Variants in EPHX4 observed in about 807,000 individuals in gnomAD.
EPHX4 encodes the protein epoxide hydrolase 4, also known as abhydrolase domain containing 7.
EPHX4 carries 31 observed loss-of-function variants against 44.9 expected under a neutral mutation model. That is an observed-to-expected ratio of 0.69 (90% CI 0.52 to 0.93). The LOEUF (loss-of-function observed/expected upper bound fraction) is 0.93, where lower values mean the gene tolerates loss of function less well. Among genes scored for constraint, EPHX4 ranks in the 40% least tolerant of loss-of-function variants. EPHX4 has a pLI of 0.00. For synonymous variants in EPHX4, 151 were observed against 159.7 expected (o/e 0.95, Z 0.41); for missense variants, 373 against 438.1 (o/e 0.85, Z 1.33).
chr1:92,037,030 T>C (rs1274652528), intron 2 of EPHX4, among the ~76,000 whole-genome samples: 1 of 152,194 alleles, frequency 6.6e-6, no homozygotes, highest in Non-Finnish European at 1.5e-5. Flanking sequence ...ACAAAACTCT[T>C]TTTTATTTTT....
At chr1:92,040,585 A>G (rs2101868471) in intron 2 of EPHX4, among the ~76,000 whole-genome samples, 1 of 152,242 alleles carries the variant, frequency 6.6e-6, no homozygotes, top group South Asian at 2.1e-4. Flanking sequence ...TCGGCCTCCC[A>G]AAGTGCTGGC....
intron 2 of EPHX4, among the ~76,000 whole-genome samples, chr1:92,037,585 A>G (rs1362077492): frequency 2.0e-5 from 3 of 152,174 alleles, no homozygotes; most frequent in East Asian, 3.9e-4. Flanking sequence ...TATGGAATGC[A>G]TGCGTCATCA....
chr1:92,049,953 G>A (rs780972505), intron 4 of EPHX4, among the ~76,000 whole-genome samples: 17 of 151,978 alleles, frequency 1.1e-4, no homozygotes, highest in Non-Finnish European at 2.2e-4. Flanking sequence ...CAAAAAATTA[G>A]CCGGGCTCGG....
At chr1:92,060,687 AGTGG>A (rs907852593) in intron 6 of EPHX4, among the ~76,000 whole-genome samples, 1 of 151,926 alleles carries the variant, frequency 6.6e-6, no homozygotes, top group Non-Finnish European at 1.5e-5. Context: ...GGGAGGCCAA[AGTGG>A]GTGGATCACA....
At chr1:92,042,389 G>T (rs1397697480) in intron 2 of EPHX4, among the ~76,000 whole-genome samples, 2 of 151,704 alleles carry the variant, frequency 1.3e-5, no homozygotes, top group African/African-American at 4.8e-5. Flanking sequence ...CTATATATCT[G>T]TTCTAAAAAT....
intron 3 of EPHX4, chr1:92,043,382 G>A (rs1688537703): frequency 6.6e-6 from 1 of 151,252 alleles, no homozygotes; most frequent in African/African-American, 2.5e-5. Context: ...GTGAACCCAG[G>A]AGATGGAGGT....
chr1:92,035,901 T>A (rs750058385), intron 2 of EPHX4, among the ~76,000 whole-genome samples: 2 of 152,194 alleles, frequency 1.3e-5, no homozygotes, highest in Non-Finnish European at 2.9e-5. Flanking sequence ...AAGTCAGGTG[T>A]CCCTTGTTTT....
chr1:92,035,763 C>T (rs1688429025), intron 2 of EPHX4, among the ~76,000 whole-genome samples: 1 of 152,136 alleles, frequency 6.6e-6, no homozygotes, highest in African/African-American at 2.4e-5. Context: ...GATGCTCTCC[C>T]TCTCCCCACC....
chr1:92,034,355 G>C (rs12137751), intron 2 of EPHX4, among the ~76,000 whole-genome samples: 2 of 148,098 alleles, frequency 1.4e-5, no homozygotes, highest in Non-Finnish European at 3.0e-5. Flanking sequence ...AAGAAAACCA[G>C]TTTTTATAGC....
intron 5 of EPHX4, among the ~76,000 whole-genome samples, chr1:92,051,347 C>T (rs1647249363): frequency 6.6e-6 from 1 of 151,806 alleles, no homozygotes; most frequent in Non-Finnish European, 1.5e-5. Flanking sequence ...ACTGTCATAA[C>T]TGTCTTGATA....
chr1:92,032,750 G>T (rs1688380237), intron 2 of EPHX4, among the ~76,000 whole-genome samples, 160 bp downstream of exon 2: 2 of 152,172 alleles, frequency 1.3e-5, no homozygotes, highest in Non-Finnish European at 2.9e-5. Context: ...GGATCAAGGT[G>T]CCAACATCTG....
chr1:92,043,024 A>G, intron 3 of EPHX4, 44 bp downstream of exon 3: 1 of 1,443,134 alleles, frequency 6.9e-7, no homozygotes, highest in South Asian at 1.3e-5. Context: ...AGGGACAAAC[A>G]TTCAACAAAT....
chr1:92,030,456 T>TGGTGTGTG, intron 1 of EPHX4, 146 bp downstream of exon 1: 1 of 270,758 alleles, frequency 3.7e-6, no homozygotes, highest in East Asian at 4.7e-5. Flanking sequence ...TCCCTGTGTG[T>TGGTGTGTG]CGTGTGTGTG....
intron 1 of EPHX4, among the ~76,000 whole-genome samples, chr1:92,030,638 T>C (rs894684503): frequency 4.5e-4 from 68 of 152,128 alleles, no homozygotes; most frequent in African/African-American, 1.5e-3. Flanking sequence ...CCTGCTCTTT[T>C]TCCTACTGCA....
chr1:92,035,046 A>T (rs1287293029), intron 2 of EPHX4, among the ~76,000 whole-genome samples: 2 of 152,212 alleles, frequency 1.3e-5, no homozygotes, highest in African/African-American at 4.8e-5. Context: ...AGAGTGGAGG[A>T]TGGCAAAGAC....
chr1:92,033,663 T>C (rs1420417348), intron 2 of EPHX4, among the ~76,000 whole-genome samples: 3 of 152,186 alleles, frequency 2.0e-5, no homozygotes, highest in Admixed American at 1.3e-4. Context: ...GCCCCAAATA[T>C]GTAATTATTA....
chr1:92,035,585 C>A (rs1688425965), intron 2 of EPHX4, among the ~76,000 whole-genome samples: 1 of 152,154 alleles, frequency 6.6e-6, no homozygotes. Context: ...ATTTTCTAAG[C>A]ATTTACTATG....
chr1:92,037,394 A>G (rs1688454830), intron 2 of EPHX4, among the ~76,000 whole-genome samples: 1 of 152,196 alleles, frequency 6.6e-6, no homozygotes, highest in African/African-American at 2.4e-5. Context: ...CTTAAAATCT[A>G]AAGGAAATAT....
At chr1:92,032,454 C>A (rs774733122) in intron 1 of EPHX4, 51 bp from the exon 2 acceptor site, 4 of 1,349,646 alleles carry the variant, frequency 3.0e-6, no homozygotes, top group Non-Finnish European at 3.2e-6. Flanking sequence ...AAATATATTG[C>A]TTTGTCAATC....
Sources: allele counts gnomAD v4.1 joint callset (sites outside exome capture counted in the v4.1 genomes callset), GRCh38; gene constraint gnomAD v4.1.1; transcripts MANE v1.5; gene names NCBI Gene and HGNC (gene_info 2026-07-23, HGNC 2026-07-21).